The following WDR45B variants were observed in gnomAD, a reference collection of about 807,000 sequenced individuals.
WDR45B encodes the protein WD repeat domain phosphoinositide-interacting protein 3.
In WDR45B, 20 loss-of-function variants were observed where a neutral mutation model predicts 44.6. The ratio of observed to expected loss-of-function variants is 0.45; its 90% CI spans 0.32 to 0.65. The LOEUF (loss-of-function observed/expected upper bound fraction) is 0.65. Among genes scored for constraint, WDR45B ranks in the 30% least tolerant of loss-of-function variants. The pLI is 0.05. For missense variants in WDR45B, 323 were observed against 430.2 expected, an observed-to-expected ratio of 0.75 and a Z score of 2.20; for synonymous variants, 169 against 164.9, an observed-to-expected ratio of 1.02 and a Z score of -0.19.
intron 7 of WDR45B, 132 bp from the exon 8 acceptor site, chr17:82,617,529 C>T: frequency 1.2e-6 from 1 of 867,402 alleles, no homozygotes; most frequent in South Asian, 1.4e-5. Flanking sequence ...CTGAATACTG[C>T]CCTTTCTTTA....
chr17:82,617,209 G>A, intron 8 of WDR45B, 87 bp downstream of exon 8: 1 of 1,211,382 alleles, frequency 8.3e-7, no homozygotes, highest in South Asian at 1.3e-5. Flanking sequence ...CACCCTGCTG[G>A]GGTGGGGGGC....
intron 4 of WDR45B, 154 bp from the exon 5 acceptor site, chr17:82,625,637 AG>A (rs2045685981): frequency 1.3e-6 from 1 of 781,498 alleles, no homozygotes; most frequent in African/African-American, 1.7e-5. Context: ...GCAGGTAGCC[AG>A]CGCCAGGCCT....
chr17:82,646,379 C>T (rs971506072), intron 1 of WDR45B, among the ~76,000 whole-genome samples: 1 of 148,934 alleles, frequency 6.7e-6, no homozygotes, highest in African/African-American at 2.5e-5. Context: ...CTCAGCTACT[C>T]GGGAGGCTGA....
chr17:82,626,880 G>A (rs2045705507), intron 4 of WDR45B: 2 of 382,034 alleles, frequency 5.2e-6, no homozygotes, highest in Admixed American at 4.0e-5. Context: ...GGTAATTCAA[G>A]GCTCAAAACT....
At chr17:82,648,190 G>A in intron 1 of WDR45B, 84 bp downstream of exon 1, 2 of 1,466,822 alleles carry the variant, frequency 1.4e-6, no homozygotes, top group Non-Finnish European at 1.8e-6. Context: ...CCGGAAAGGG[G>A]CGCCCAGGAG....
chr17:82,630,863 CAA>C (rs142566047), intron 3 of WDR45B, 56 bp downstream of exon 3: 22 of 1,512,458 alleles, frequency 1.5e-5, no homozygotes, highest in Non-Finnish European at 2.0e-5. Flanking sequence ...TAAACGCATT[CAA>C]AAAAAGACTG....
chr17:82,646,512 ACCCAAAAC>A (rs2045979439), intron 1 of WDR45B, among the ~76,000 whole-genome samples: 20 of 52,554 alleles, frequency 3.8e-4, no homozygotes, highest in Admixed American at 1.1e-3. Flanking sequence ...AAAAAAAAAA[ACCCAAAAC>A]AAAAAAACAG....
intron 2 of WDR45B, among the ~76,000 whole-genome samples, 157 bp downstream of exon 2, chr17:82,643,792 A>C (rs2045945147): frequency 6.6e-6 from 1 of 152,174 alleles, no homozygotes; most frequent in Admixed American, 6.5e-5. Context: ...AGCTCAACGA[A>C]AGAAAGAGGA....
chr17:82,648,028 G>A (rs1019530860), intron 1 of WDR45B, among the ~76,000 whole-genome samples: 1 of 144,798 alleles, frequency 6.9e-6, no homozygotes, highest in African/African-American at 2.5e-5. Flanking sequence ...GTCACAACCC[G>A]GGGGGTGGGG....
intron 3 of WDR45B, chr17:82,629,508 CT>C: frequency 1.0e-6 from 1 of 985,518 alleles, no homozygotes; most frequent in Non-Finnish European, 1.2e-6. Flanking sequence ...CTCAACTCTG[CT>C]TTAAAGCTGG....
intron 2 of WDR45B, among the ~76,000 whole-genome samples, chr17:82,632,105 A>G (rs1568010399): frequency 1.3e-5 from 2 of 152,080 alleles, no homozygotes; most frequent in African/African-American, 2.4e-5. Context: ...AAACAAAAAT[A>G]AAAACAAACC....
intron 1 of WDR45B, among the ~76,000 whole-genome samples, chr17:82,647,066 T>C (rs557809881): frequency 2.0e-5 from 3 of 152,124 alleles, no homozygotes; most frequent in East Asian, 1.9e-4. Flanking sequence ...CCGTCTCTAC[T>C]AAAAATACAA....
chr17:82,630,677 G>A (rs2045755716), intron 3 of WDR45B, among the ~76,000 whole-genome samples: 1 of 152,154 alleles, frequency 6.6e-6, no homozygotes, highest in South Asian at 2.1e-4. Context: ...CAGCAGGCCC[G>A]TTTTCCGTTT....
intron 2 of WDR45B, among the ~76,000 whole-genome samples, chr17:82,632,007 G>GGAGGCT (rs1016877137): frequency 6.1e-4 from 92 of 150,050 alleles, no homozygotes; most frequent in African/African-American, 2.3e-3. Context: ...CTTGAACCCC[G>GGAGGCT]GAGGCTGAGG....
intron 1 of WDR45B, among the ~76,000 whole-genome samples, chr17:82,646,563 C>T (rs983119173): frequency 2.1e-5 from 3 of 143,736 alleles, no homozygotes; most frequent in African/African-American, 7.7e-5. Context: ...AAATAAAGTA[C>T]AGAAGTAGGC....
chr17:82,644,184 T>C, intron 1 of WDR45B, 161 bp from the exon 2 acceptor site: 1 of 715,878 alleles, frequency 1.4e-6, no homozygotes, highest in Non-Finnish European at 2.5e-6. Context: ...CAAATGTTAC[T>C]AAGTGACAAG....
At chr17:82,643,134 C>A (rs763460037) in intron 2 of WDR45B, among the ~76,000 whole-genome samples, 1 of 152,166 alleles carries the variant, frequency 6.6e-6, no homozygotes, top group African/African-American at 2.4e-5. Context: ...CCTTATTTCA[C>A]GTACAAAGAA....
intron 2 of WDR45B, among the ~76,000 whole-genome samples, chr17:82,635,923 A>G (rs1398527396): frequency 6.6e-6 from 1 of 151,756 alleles, no homozygotes; most frequent in African/African-American, 2.4e-5. Context: ...CCCCGTCTCT[A>G]CTAAAAATAC....
At chr17:82,636,996 A>C (rs1384806698) in intron 2 of WDR45B, among the ~76,000 whole-genome samples, 2 of 152,006 alleles carry the variant, frequency 1.3e-5, no homozygotes, top group Admixed American at 1.3e-4. Flanking sequence ...GACTGCGTTC[A>C]GGATAAAAAC....
Sources: gnomAD v4.1 joint callset for allele counts (sites outside exome capture counted in the v4.1 genomes callset) on GRCh38, gnomAD v4.1.1 for gene constraint, MANE v1.5 for transcripts, NCBI Gene and HGNC (gene_info 2026-07-23, HGNC 2026-07-21) for gene names.